Variants in ZAN observed in about 807,000 individuals in gnomAD.
ZAN encodes zonadhesin.
Under a neutral mutation model 286.2 loss-of-function variants are expected in ZAN, and 260 were observed. The ratio of observed to expected loss-of-function variants is 0.91; its 90% CI spans 0.82 to 1.01. The LOEUF is 1.01. Ranked by LOEUF, ZAN falls within the 50% of genes least tolerant of loss-of-function variation. ZAN has a pLI of 0.00. For synonymous variants in ZAN, 1,368 were observed against 1,417.5 expected, an observed-to-expected ratio of 0.97 and a Z score of 0.79; for missense variants, 3,410 against 3,639.2, an observed-to-expected ratio of 0.94 and a Z score of 1.62.
chr7:100,759,000 G>T (rs1394628368), intron 17 of ZAN, among the ~76,000 whole-genome samples: 2 of 152,136 alleles, frequency 1.3e-5, no homozygotes, highest in Non-Finnish European at 2.9e-5. Flanking sequence ...GAGGTGGGGG[G>T]TTCACCTGAG....
In ZAN at chr7:100,748,168, C is replaced by T. The variant is rs780147595; in HGVS notation, c.1055C>T (p.Pro352Leu). ...FAVVGVFGKT[P>L]EPAVAVDATS... Reference sequence around the variant, plus strand: ...GTGGTAGGCGTTTTTGGAAAGACCCCAGAGCCAGCTGTGGCAGTTGATGCA... The same window carrying T: ...GTGGTAGGCGTTTTTGGAAAGACCCTAGAGCCAGCTGTGGCAGTTGATGCA... Residue 352 changes from proline (P) to leucine (L), a missense_variant, in exon 10 of 48, where the codon CCA becomes CTA. Pro to Leu is a moderately conservative substitution (Grantham distance 98, BLOSUM62 -3). This residue lies in a region of ZAN where 872 missense variants were observed against 938.9 expected (regional missense o/e 0.93). Transcript: ENST00000613979. The T allele has an allele frequency of 5.0e-6, 8 of 1,613,676 alleles. No individual in the cohort carries two copies. The highest frequency in any genetic ancestry group is 2.2e-5 in the East Asian group (1 of 44,876).
chr7:100,750,210 C>T (rs553617266), intron 11 of ZAN, among the ~76,000 whole-genome samples: 1 of 151,686 alleles, frequency 6.6e-6, no homozygotes, highest in Non-Finnish European at 1.5e-5. Context: ...GATCTTGGCT[C>T]ACTGCAACCT....
intron 15 of ZAN, among the ~76,000 whole-genome samples, chr7:100,757,542 G>A (rs1809229994): frequency 6.7e-6 from 1 of 148,520 alleles, no homozygotes; most frequent in Non-Finnish European, 1.5e-5. Context: ...ATCACCTGAG[G>A]TCAGGAGTTC....
At chr7:100,773,696 C>A in intron 30 of ZAN, 25 bp from the exon 31 acceptor site, 1 of 1,599,714 alleles carries the variant, frequency 6.3e-7, no homozygotes, top group South Asian at 1.1e-5. Flanking sequence ...TTTCTGTTGG[C>A]TCAGCTGATC....
chr7:100,781,653 T>A (rs1284797462), intron 35 of ZAN, among the ~76,000 whole-genome samples: 2 of 66,492 alleles, frequency 3.0e-5, no homozygotes, highest in East Asian at 3.9e-4. Flanking sequence ...ATTGCTATAC[T>A]TTTTTTTTTT....
chr7:100,773,692 T>C (rs1160531009), intron 30 of ZAN, 29 bp from the exon 31 acceptor site: 1 of 1,597,722 alleles, frequency 6.3e-7, no homozygotes, highest in East Asian at 2.3e-5. Flanking sequence ...CAACTTTCTG[T>C]TGGCTCAGCT....
At chr7:100,755,019 G>A (rs1385070787) in intron 14 of ZAN, among the ~76,000 whole-genome samples, 2 of 152,044 alleles carry the variant, frequency 1.3e-5, no homozygotes, top group African/African-American at 4.8e-5. Flanking sequence ...CAAACTCTTG[G>A]CCTCAAACAG....
Position 100,755,259 on chromosome 7 carries a change from G to C in ZAN, c.3158G>C (p.Cys1053Ser). The C allele has an allele frequency of 6.2e-7, 1 of 1,613,748 alleles. No homozygotes were observed. Among genetic ancestry groups the C allele is most frequent in the Non-Finnish European group, 8.5e-7 (1 of 1,179,822 alleles). ...RCPPNARYES[C>S]ACPASCKSPR... is the part of the protein sequence containing the mutation. ...CCTCCAAATGCCCGCTACGAATCCTGTGCTTGTCCTGCTTCGTGCAAGAGC... is the reference window on the plus strand; with the variant it reads ...CCTCCAAATGCCCGCTACGAATCCTCTGCTTGTCCTGCTTCGTGCAAGAGC... Residue 1053 changes from cysteine (C) to serine (S), a missense_variant, in exon 15 of 48, where the codon TGT (cysteine) becomes TCT (serine). By Grantham distance (112) the Cys-to-Ser change is moderately radical. This residue lies in a region of ZAN where 1,042 missense variants were observed against 1,058.0 expected (regional missense o/e 0.98). Coordinates refer to ENST00000613979, the MANE Select transcript of ZAN (RefSeq NM_003386.3).
intron 25 of ZAN, 23 bp from the exon 26 acceptor site, chr7:100,767,808 C>G (rs1363523494): frequency 6.2e-7 from 1 of 1,602,228 alleles, no homozygotes; most frequent in Admixed American, 1.7e-5. Context: ...ACTCTCCTTT[C>G]TACGTCCTCC....
rs1037643045 is a variant in ZAN, at chr7:100,775,424, A to G, written c.5876A>G (p.Lys1959Arg). ...IPDACTLVLVKVCHPAMALPF... is the reference protein window; with the variant it reads ...IPDACTLVLVRVCHPAMALPF... ...GACGCCTGCACTCTTGTCCTGGTGA[A>G]AGTGTGCCACCCCGCCATGGCCTTG... The change falls in exon 32 of 48, where the codon AAA (lysine) becomes AGA (arginine). Residue 1959 changes from lysine to arginine, a missense_variant. Physicochemically the swap from Lys to Arg is conservative, Grantham distance 26. Coordinates refer to ENST00000613979, the MANE Select transcript of ZAN (RefSeq NM_003386.3). The G allele has an allele frequency of 3.7e-6, 6 of 1,613,812 alleles. No individual in the cohort carries two copies. In the Admixed American group the frequency reaches 1.0e-4, roughly 27 times the overall value.
chr7:100,746,697 TC>T lies in ZAN; in HGVS notation c.927del (p.Leu310TrpfsTer36). ...PGAALHIYAS[V>X]LGSIRKHTLF... The stretch of plus-strand genomic sequence containing the variant: ...GCAGCCCTCCACATTTATGCTTCAG[TC>T]TTGGGTTAGAGCGGAGAATTAATGG... On this transcript the variant is annotated frameshift_variant, in exon 8 of 48. Transcript: ENST00000613979. LOFTEE classifies it high-confidence loss of function. 2 of 1,613,886 alleles carry T rather than the reference TC, an allele frequency of 1.2e-6. No homozygotes were observed. The highest frequency in any genetic ancestry group is 1.7e-6 in the Non-Finnish European group (2 of 1,179,840).
chr7:100,765,706 T>C (rs899564826), intron 23 of ZAN, among the ~76,000 whole-genome samples, 152 bp downstream of exon 23: 1 of 152,246 alleles, frequency 6.6e-6, no homozygotes, highest in Non-Finnish European at 1.5e-5. Context: ...TGGAGTGCAG[T>C]GGCACGATCT....
chr7:100,734,830 C>T lies in ZAN; in HGVS notation c.53+609C>T, dbSNP rs1238970368. 5.0e-5 allele frequency among the ~76,000 whole-genome samples: 7 copies of T among 140,024 alleles called. 1 individual carries two copies. The highest frequency in any genetic ancestry group is 2.2e-4 in the South Asian group (1 of 4,510). The allele number at this position is 140,024 out of a possible 152,430, so 91.9% of individuals were successfully genotyped here. A position where few individuals can be genotyped will look rare whatever the true frequency, so the allele number is the denominator to read the frequency against. On this transcript the variant is annotated intron_variant, in intron 2 of 47. Transcript: ENST00000613979. ...ATTGAGGGGTCAGGCCCTCAGGAAACGGACAAGACCCAGGGTGGACCCAGC... is the reference window on the plus strand; with the variant it reads ...ATTGAGGGGTCAGGCCCTCAGGAAATGGACAAGACCCAGGGTGGACCCAGC...
chr7:100,784,522 A>C, intron 35 of ZAN, 101 bp from the exon 36 acceptor site: 1 of 1,189,632 alleles, frequency 8.4e-7, no homozygotes, highest in Non-Finnish European at 1.2e-6. Context: ...AAGCTCCCCA[A>C]GCCTTGTTGG....
At chr7:100,770,287 G>A (rs1334510367) in intron 28 of ZAN, among the ~76,000 whole-genome samples, 6 of 151,592 alleles carry the variant, frequency 4.0e-5, no homozygotes, top group African/African-American at 9.7e-5. Flanking sequence ...GGCAGATCCC[G>A]AGGTCAGGAG....
At chr7:100,753,725 C>T (rs926076725) in intron 14 of ZAN, among the ~76,000 whole-genome samples, 4 of 148,486 alleles carry the variant, frequency 2.7e-5, no homozygotes, top group Non-Finnish European at 3.0e-5. Context: ...CCCAGCTACT[C>T]GGGAGGCTGA....
chr7:100,759,785 C>T lies in ZAN; in HGVS notation c.3636C>T (p.Ser1212=). ...GACAGGAAGGCGTGTCCTGCCTGAG[C>T]AAAGTCTACGTGACCCTGCCCGAGA... is the stretch of plus-strand genomic sequence containing the variant. ...EQGQEGVSCL[S]KVYVTLPEST... is the part of the protein sequence containing the mutation. Residue 1212 remains serine (S), a synonymous_variant, in exon 18 of 48, where the codon AGC becomes AGT. Transcript: ENST00000613979. 1 of 1,606,758 alleles carries T rather than the reference C, an allele frequency of 6.2e-7. No homozygotes were observed. The highest frequency in any genetic ancestry group is 8.5e-7 in the Non-Finnish European group (1 of 1,176,972).
intron 45 of ZAN, among the ~76,000 whole-genome samples, chr7:100,796,573 C>G (rs569773976): frequency 6.6e-6 from 1 of 151,974 alleles, no homozygotes; most frequent in South Asian, 2.1e-4. Flanking sequence ...CCGGCCACCA[C>G]GCCCGGCTAT....
intron 15 of ZAN, 101 bp from the exon 16 acceptor site, chr7:100,758,090 AAATAAATAAAT>A: frequency 2.8e-6 from 1 of 358,412 alleles, no homozygotes; most frequent in Non-Finnish European, 3.6e-6. Context: ...CATCACAAAT[AAATAAATAAAT>A]AAATAAATAA....
Sources: gnomAD v4.1 joint callset for allele counts (sites outside exome capture counted in the v4.1 genomes callset) on GRCh38, gnomAD v4.1.1 for gene constraint, gnomAD v4.1.1 regional missense constraint, MANE v1.5 for transcripts, NCBI Gene and HGNC (gene_info 2026-07-23, HGNC 2026-07-21) for gene names.